TTC39B: variants seen among roughly 807,000 people sequenced by gnomAD.
TTC39B encodes the protein tetratricopeptide repeat domain 39B.
TTC39B carries 92 observed loss-of-function variants against 96.6 expected under a neutral mutation model. The ratio of observed to expected loss-of-function variants is 0.95; its 90% confidence interval spans 0.80 to 1.13. TTC39B has a LOEUF of 1.13. TTC39B is among the 50% of genes most tolerant of loss of function. The pLI is 0.00. For synonymous variants in TTC39B, 367 were observed against 299.4 expected (o/e 1.23, Z -2.33); for missense variants, 955 against 809.3 (o/e 1.18, Z -2.18).
At chr9:15,195,515 C>G (rs1184117665) in intron 8 of TTC39B, among the ~76,000 whole-genome samples, 1 of 151,194 alleles carries the variant, frequency 6.6e-6, no homozygotes, top group African/African-American at 2.4e-5. Context: ...ACTAAAAATA[C>G]AAAAATTAGC....
At chr9:15,212,362 G>A (rs1820253650) in intron 4 of TTC39B, among the ~76,000 whole-genome samples, 7 of 135,154 alleles carry the variant, frequency 5.2e-5, no homozygotes, top group Admixed American at 3.8e-4. Context: ...ATTTTTAACT[G>A]AAAGCTCTTT....
At chr9:15,225,321 A>T (rs532873626) in intron 3 of TTC39B, among the ~76,000 whole-genome samples, 1 of 152,330 alleles carries the variant, frequency 6.6e-6, no homozygotes, top group Non-Finnish European at 1.5e-5. Flanking sequence ...AATAATCAGG[A>T]TTATAGTAAT....
At chr9:15,275,833 T>C (rs569946056) in intron 1 of TTC39B, among the ~76,000 whole-genome samples, 21 of 152,214 alleles carry the variant, frequency 1.4e-4, no homozygotes, top group African/African-American at 5.1e-4. Flanking sequence ...GGAAACATAG[T>C]CCATCTTCAC....
chr9:15,234,860 C>G (rs549968264), intron 2 of TTC39B, among the ~76,000 whole-genome samples: 24 of 152,062 alleles, frequency 1.6e-4, no homozygotes, highest in African/African-American at 4.6e-4. Context: ...TTACCACTCC[C>G]TAATCTTAAG....
At chr9:15,264,823 A>C (rs1182564587) in intron 2 of TTC39B, among the ~76,000 whole-genome samples, 2 of 151,976 alleles carry the variant, frequency 1.3e-5, no homozygotes, top group African/African-American at 4.8e-5. Context: ...AAGTACACAA[A>C]GGGGTTTCTG....
chr9:15,300,606 CTGG>C (rs1286667952), intron 1 of TTC39B, among the ~76,000 whole-genome samples: 1 of 152,216 alleles, frequency 6.6e-6, no homozygotes, highest in Non-Finnish European at 1.5e-5. Context: ...TTCCATGTGG[CTGG>C]TTGCAGTGGC....
chr9:15,196,671 G>A (rs552283255), intron 8 of TTC39B, among the ~76,000 whole-genome samples: 15 of 152,228 alleles, frequency 9.9e-5, no homozygotes, highest in South Asian at 2.1e-4. Flanking sequence ...ATCTATTCCC[G>A]GTAAAGATGC....
chr9:15,234,207 G>A (rs1400531484), intron 2 of TTC39B, among the ~76,000 whole-genome samples: 7 of 148,646 alleles, frequency 4.7e-5, no homozygotes, highest in South Asian at 2.2e-4. Context: ...CAGCCACCCC[G>A]TCTGGGAAGT....
chr9:15,217,330 A>G (rs983899408), intron 3 of TTC39B, among the ~76,000 whole-genome samples: 6 of 152,154 alleles, frequency 3.9e-5, no homozygotes, highest in African/African-American at 1.4e-4. Context: ...GTGAACAGAT[A>G]CTAGTCCTCT....
chr9:15,191,281 C>A (rs377749623), intron 9 of TTC39B, 26 bp from the exon 10 acceptor site: 352 of 1,531,298 alleles, frequency 2.3e-4, no homozygotes, highest in Non-Finnish European at 3.0e-4. Flanking sequence ...ATACAGTGTA[C>A]TTATGTGTTA....
chr9:15,240,052 T>C (rs910686998), intron 2 of TTC39B, among the ~76,000 whole-genome samples: 3 of 152,198 alleles, frequency 2.0e-5, no homozygotes, highest in African/African-American at 7.2e-5. Context: ...GACCAAATTC[T>C]GCCCAAGGAT....
intron 2 of TTC39B, among the ~76,000 whole-genome samples, chr9:15,241,318 C>T (rs1822030157): frequency 1.3e-5 from 2 of 149,884 alleles, no homozygotes; most frequent in Admixed American, 6.6e-5. Context: ...CTCTGCAAAA[C>T]AATGAAACTG....
exon 20 of TTC39B, chr9:15,164,851 A>G (rs1270011273): frequency 6.6e-6 from 1 of 152,384 alleles, no homozygotes; most frequent in South Asian, 2.1e-4. Flanking sequence ...AGTGAAACAC[A>G]TATGTTCTCC....
intron 19 of TTC39B, 86 bp downstream of exon 19, chr9:15,174,933 A>G (rs1817848338): frequency 2.5e-6 from 2 of 810,990 alleles, no homozygotes; most frequent in Non-Finnish European, 4.2e-6. Context: ...TTAATTGTTA[A>G]GTATATAATG....
At position 15,210,109 on chromosome 9, in the gene TTC39B, A is replaced by T. The variant is rs542488344; in HGVS notation, c.670T>A (p.Ser224Thr). ...TTACCTTCACTCAGTTGCTCCAGGG[A>T]TCCTCTAGAAAGAAGACTTGAGAAA... is the stretch of plus-strand genomic sequence containing the variant. The change falls in exon 6 of 20, where the codon TCC becomes ACC. Residue 224 changes from serine to threonine, a missense_variant. Ser to Thr is a moderately conservative substitution (Grantham distance 58). Transcript: ENST00000512701. 263 of 1,607,628 alleles carry T rather than the reference A, an allele frequency of 1.6e-4. No homozygotes were observed. The highest frequency in any genetic ancestry group is 2.1e-4 in the Non-Finnish European group (242 of 1,177,752).
chr9:15,239,375 A>C (rs1821933054), intron 2 of TTC39B, among the ~76,000 whole-genome samples: 1 of 152,226 alleles, frequency 6.6e-6, no homozygotes, highest in Non-Finnish European at 1.5e-5. Flanking sequence ...CAAGGAGCTA[A>C]AAATAGTGCT....
At chr9:15,256,369 G>A (rs1257026271) in intron 2 of TTC39B, among the ~76,000 whole-genome samples, 1 of 152,118 alleles carries the variant, frequency 6.6e-6, no homozygotes, top group East Asian at 1.9e-4. Context: ...AAATTACCCA[G>A]TCTAATGGAT....
chr9:15,226,157 C>A (rs1821113927), intron 2 of TTC39B, 145 bp from the exon 3 acceptor site: 4 of 614,966 alleles, frequency 6.5e-6, no homozygotes, highest in Non-Finnish European at 1.1e-5. Flanking sequence ...AATCAAGTAA[C>A]AAAAATCTAC....
At chr9:15,203,472 G>C (rs1819661882) in intron 7 of TTC39B, among the ~76,000 whole-genome samples, 1 of 151,394 alleles carries the variant, frequency 6.6e-6, no homozygotes, top group Non-Finnish European at 1.5e-5. Flanking sequence ...TGTTGGCCAG[G>C]CTTGTCTCGA....
Sources: gnomAD v4.1 joint callset for allele counts (sites outside exome capture counted in the v4.1 genomes callset) on GRCh38, gnomAD v4.1.1 for gene constraint, MANE v1.5 for transcripts, NCBI Gene and HGNC (gene_info 2026-07-23, HGNC 2026-07-21) for gene names.